The following CFAP57 variants were observed in gnomAD, a reference collection of about 807,000 sequenced individuals.
The protein encoded by CFAP57 is cilia- and flagella-associated protein 57.
In CFAP57, 116 loss-of-function variants were observed where a neutral mutation model predicts 146.8. The ratio of observed to expected loss-of-function variants is 0.79; its 90% CI spans 0.68 to 0.92. The LOEUF is 0.92. Among genes scored for constraint, CFAP57 ranks in the 40% least tolerant of loss-of-function variants. CFAP57 has a pLI of 0.00. For synonymous variants in CFAP57, 518 were observed against 552.8 expected (o/e 0.94, Z 0.88); for missense variants, 1,377 against 1,527.2 (o/e 0.90, Z 1.64).
At chr1:43,173,544 A>G (rs1023096807) in intron 2 of CFAP57, among the ~76,000 whole-genome samples, 2 of 152,220 alleles carry the variant, frequency 1.3e-5, no homozygotes, top group African/African-American at 2.4e-5. Context: ...TAGGAAACAG[A>G]ATATTACCAG....
chr1:43,219,891 G>A (rs1043495714), intron 13 of CFAP57, among the ~76,000 whole-genome samples: 1 of 152,158 alleles, frequency 6.6e-6, no homozygotes, highest in African/African-American at 2.4e-5. Context: ...CCTGGGAAGT[G>A]GAGGTTGTAG....
chr1:43,186,349 C>T (rs1231408533), intron 5 of CFAP57, among the ~76,000 whole-genome samples: 4 of 151,934 alleles, frequency 2.6e-5, no homozygotes, highest in African/African-American at 7.3e-5. Flanking sequence ...CAGTTGCTCA[C>T]GCCTGTAATC....
chr1:43,213,040 A>G (rs1036661664), intron 11 of CFAP57, among the ~76,000 whole-genome samples: 2 of 151,242 alleles, frequency 1.3e-5, no homozygotes, highest in Non-Finnish European at 2.9e-5. Context: ...CAACCCATAC[A>G]CTCTTCCCTA....
chr1:43,247,098 AAAC>A (rs1408702824), intron 22 of CFAP57, among the ~76,000 whole-genome samples: 3 of 152,200 alleles, frequency 2.0e-5, no homozygotes, highest in Non-Finnish European at 4.4e-5. Context: ...CCACCTCTCC[AAAC>A]AACAATATAT....
intron 11 of CFAP57, among the ~76,000 whole-genome samples, chr1:43,214,912 C>T (rs181891252): frequency 2.6e-4 from 40 of 152,332 alleles, no homozygotes; most frequent in Non-Finnish European, 4.3e-4. Context: ...TACTTGCCAT[C>T]TGTGTATTTT....
intron 18 of CFAP57, among the ~76,000 whole-genome samples, chr1:43,227,498 C>G (rs1645293973): frequency 6.6e-6 from 1 of 152,174 alleles, no homozygotes; most frequent in African/African-American, 2.4e-5. Flanking sequence ...ATTTTTTTCT[C>G]AAACTGGAAA....
Position 43,172,501 on chromosome 1 carries a change from G to A in CFAP57, c.-20+48G>A, listed in dbSNP as rs186792830. 155 of 1,510,922 alleles carry A rather than the reference G, an allele frequency of 1.0e-4. No individual in the cohort carries two copies. Among genetic ancestry groups the A allele is most frequent in the Non-Finnish European group, 1.3e-4 (147 of 1,127,958 alleles). The allele number at this position is 1,510,922 out of a possible 1,614,324, so 93.6% of individuals were successfully genotyped here. A position where few individuals can be genotyped will look rare whatever the true frequency, so the allele number is the denominator to read the frequency against. ...CGCCAGAAGGAGCTGGTAGCAGTGA[G>A]GGTACAAAGGAAAAGGCAGAAAAAG... On this transcript the variant is annotated intron_variant, in intron 1 of 22. Transcript: ENST00000372492.
intron 11 of CFAP57, chr1:43,210,226 C>T: frequency 6.7e-7 from 1 of 1,502,720 alleles, no homozygotes; most frequent in African/African-American, 1.4e-5. Context: ...TGCACTTGAC[C>T]ACAGCTGCCT....
intron 19 of CFAP57, among the ~76,000 whole-genome samples, chr1:43,232,935 C>T (rs77307270): frequency 6.6e-4 from 100 of 152,300 alleles, no homozygotes; most frequent in African/African-American, 2.2e-3. Flanking sequence ...GGCAATTTGT[C>T]GCCGCTGGTT....
At chr1:43,226,817 C>T (rs1045083573) in intron 17 of CFAP57, among the ~76,000 whole-genome samples, 166 bp from the exon 18 acceptor site, 3 of 152,070 alleles carry the variant, frequency 2.0e-5, no homozygotes, top group Admixed American at 1.3e-4. Context: ...GTGCTGTAGC[C>T]CCATGGGGGG....
At chr1:43,210,258 G>A (rs1644544712) in intron 11 of CFAP57, 1 of 1,471,560 alleles carries the variant, frequency 6.8e-7, no homozygotes. Context: ...GAATGCCCCA[G>A]ACTGAAAGGA....
intron 19 of CFAP57, 52 bp from the exon 20 acceptor site, chr1:43,234,227 C>G (rs1486556228): frequency 6.8e-7 from 1 of 1,471,232 alleles, no homozygotes; most frequent in Non-Finnish European, 9.0e-7. Flanking sequence ...CAGCCCCCGC[C>G]CCTCCACCGA....
chr1:43,242,713 G>C (rs982414783), intron 21 of CFAP57, among the ~76,000 whole-genome samples: 6 of 152,206 alleles, frequency 3.9e-5, no homozygotes, highest in Admixed American at 2.6e-4. Flanking sequence ...GAGCCAGACT[G>C]TTGGGGTTGG....
intron 3 of CFAP57, 43 bp from the exon 4 acceptor site, chr1:43,183,548 T>G: frequency 6.5e-7 from 1 of 1,550,226 alleles, no homozygotes; most frequent in Non-Finnish European, 8.9e-7. Context: ...CCATCAAGAA[T>G]AGTTTCATAA....
chr1:43,243,382 GA>G (rs1246750584), intron 22 of CFAP57, 23 bp downstream of exon 22: 10 of 1,505,244 alleles, frequency 6.6e-6, no homozygotes, highest in Non-Finnish European at 8.9e-6. Flanking sequence ...GTGGCCAGGG[GA>G]GATGGGCACT....
Position 43,246,523 on chromosome 1 carries a change from ACT to A in CFAP57, c.3538+3166_3538+3167del, listed in dbSNP as rs527978787. 3.9e-5 allele frequency among the ~76,000 whole-genome samples: 6 copies of A among 152,338 alleles called. No homozygotes were observed. The East Asian group carries it at 1.2e-3, about 29-fold the overall frequency. On this transcript the variant is annotated intron_variant, in intron 22 of 22. Transcript: ENST00000372492. ...TACCTTACACCATATACAACAATTA[ACT>A]CAAAATGAATCAAAGATCTAAACAG... is the stretch of plus-strand genomic sequence containing the variant.
rs776616003 is a variant in CFAP57 at position 43,197,547 on chromosome 1, C to G, written c.1123-6C>G. The G allele has an allele frequency of 1.2e-5, 20 of 1,614,134 alleles. No homozygotes were observed. The East Asian group carries it at 4.5e-4, about 36-fold the overall frequency. The stretch of plus-strand genomic sequence containing the variant: ...TGCGGGATCTTGTTCTGTGTGATTT[C>G]TCTAGGGGGAGCCTGCTCACTTTGA... On this transcript the variant is annotated splice_polypyrimidine_tract_variant and splice_region_variant and intron_variant, in intron 6 of 22. Transcript: ENST00000372492.
chr1:43,241,142 G>T (rs914861138), intron 21 of CFAP57, among the ~76,000 whole-genome samples: 27 of 152,136 alleles, frequency 1.8e-4, no homozygotes, highest in African/African-American at 6.0e-4. Flanking sequence ...CCGAGGCCAG[G>T]TTCTTTTAAA....
chr1:43,205,210 T>G (rs1401755637), intron 9 of CFAP57, among the ~76,000 whole-genome samples: 2 of 152,188 alleles, frequency 1.3e-5, no homozygotes, highest in Non-Finnish European at 2.9e-5. Context: ...ATCATTTTGC[T>G]TACATCCTGG....
Sources: gnomAD v4.1 joint callset for allele counts (sites outside exome capture counted in the v4.1 genomes callset) on GRCh38, gnomAD v4.1.1 for gene constraint, MANE v1.5 for transcripts, NCBI Gene and HGNC (gene_info 2026-07-23, HGNC 2026-07-21) for gene names.